PALLD: variants seen among roughly 807,000 people sequenced by gnomAD.
The protein encoded by PALLD is palladin.
PALLD carries 61 observed loss-of-function variants against 123.5 expected under a neutral mutation model. That is an observed-to-expected ratio of 0.49 (90% CI 0.40 to 0.61). The LOEUF (loss-of-function observed/expected upper bound fraction) is 0.61, where lower values mean the gene tolerates loss of function less well. Ranked by LOEUF, PALLD falls within the 20% of genes least tolerant of loss-of-function variation. The probability of loss-of-function intolerance (pLI) is 0.00; values close to 1 mark genes in which losing one functional copy is unlikely to be tolerated. For missense variants in PALLD, 1,273 were observed against 1,377.0 expected (o/e 0.92, Z 1.20); for synonymous variants, 465 against 496.4 (o/e 0.94, Z 0.84).
intron 10 of PALLD, among the ~76,000 whole-genome samples, chr4:168,765,281 G>T (rs1242361522): frequency 6.6e-6 from 1 of 152,208 alleles, no homozygotes; most frequent in Non-Finnish European, 1.5e-5. Flanking sequence ...AGGAAAAACA[G>T]AGTAGAAGAA....
chr4:168,854,604 G>C (rs578129567), intron 10 of PALLD, among the ~76,000 whole-genome samples: 1 of 152,178 alleles, frequency 6.6e-6, no homozygotes, highest in Non-Finnish European at 1.5e-5. Context: ...CGCTCCTGCT[G>C]TCCAGCAGGT....
intron 10 of PALLD, among the ~76,000 whole-genome samples, chr4:168,723,889 G>A (rs1786273691): frequency 6.9e-6 from 1 of 145,838 alleles, no homozygotes; most frequent in African/African-American, 2.6e-5. Context: ...CTTTGAGTTG[G>A]GCTTTTTTTT....
intron 10 of PALLD, chr4:168,756,523 A>AT (rs1460101427): frequency 1.3e-5 from 2 of 155,486 alleles, no homozygotes; most frequent in African/African-American, 4.8e-5. Flanking sequence ...GAATGATGGG[A>AT]TTTGCTGATG....
At chr4:168,875,475 C>T (rs1383767644) in intron 10 of PALLD, among the ~76,000 whole-genome samples, 2 of 152,148 alleles carry the variant, frequency 1.3e-5, no homozygotes, top group Non-Finnish European at 2.9e-5. Context: ...AAGTCAGACA[C>T]TTTAAAATTC....
rs1413784346 is a variant in PALLD at position 168,925,276 on chromosome 4, C to T, written c.*30C>T. ...GAACCACACCAGGAGAACAAATACCCAAGTATCATTCAGGAACTTTGAATT... is the reference window on the plus strand; with the variant it reads ...GAACCACACCAGGAGAACAAATACCTAAGTATCATTCAGGAACTTTGAATT... On this transcript the variant is annotated splice_region_variant and 3_prime_UTR_variant, in exon 21 of 22. Transcript: ENST00000505667. 2 of 1,601,230 alleles carry T rather than the reference C, an allele frequency of 1.2e-6. No individual in the cohort carries two copies. The highest frequency in any genetic ancestry group is 1.7e-6 in the Non-Finnish European group (2 of 1,168,418).
chr4:168,920,683 A>T (rs1162869473), intron 17 of PALLD, among the ~76,000 whole-genome samples: 1 of 152,128 alleles, frequency 6.6e-6, no homozygotes, highest in East Asian at 1.9e-4. Flanking sequence ...TCAAGATTTT[A>T]TGATGTTTCC....
intron 10 of PALLD, among the ~76,000 whole-genome samples, chr4:168,836,585 TTG>T (rs1745220510): frequency 6.6e-6 from 1 of 152,168 alleles, no homozygotes; most frequent in South Asian, 2.1e-4. Context: ...TCTCACAAAA[TTG>T]TGTGAGGTAG....
At chr4:168,627,515 T>TATAG (rs1775416421) in intron 2 of PALLD, among the ~76,000 whole-genome samples, 1 of 151,916 alleles carries the variant, frequency 6.6e-6, no homozygotes. Context: ...GTCTCCAACA[T>TATAG]ATAGATAGAT....
intron 3 of PALLD, among the ~76,000 whole-genome samples, chr4:168,678,690 C>T (rs2723713): frequency 0.022 from 3,342 of 152,154 alleles, 56 homozygotes; most frequent in Non-Finnish European, 0.032. Context: ...CGTGCCCCTC[C>T]CCTGCTTGAT....
intron 2 of PALLD, among the ~76,000 whole-genome samples, chr4:168,523,090 C>A (rs1763709849): frequency 6.6e-6 from 1 of 152,024 alleles, no homozygotes; most frequent in African/African-American, 2.4e-5. Flanking sequence ...GGAATAAGAA[C>A]TTTTTCCTAA....
At chr4:168,686,733 A>G (rs1782097907) in intron 6 of PALLD, 1 of 152,188 alleles carries the variant, frequency 6.6e-6, no homozygotes, top group South Asian at 2.1e-4. Flanking sequence ...CTGGTTTTTA[A>G]TTGTTTGTTT....
Position 168,921,585 on chromosome 4 carries a change from G to A in PALLD, c.2902G>A (p.Val968Ile), listed in dbSNP as rs551420048. The A allele has an allele frequency of 3.2e-5, 51 of 1,609,324 alleles. No individual in the cohort carries two copies. The highest frequency in any genetic ancestry group is 3.0e-4 in the South Asian group (27 of 90,558). Reference sequence around the variant, plus strand: ...AAGCTGGCAACTAGATGGAAAGCCCGTACGCCCTGACAGTGCTCACAAGAT... The same window carrying A: ...AAGCTGGCAACTAGATGGAAAGCCCATACGCCCTGACAGTGCTCACAAGAT... ...DLSWQLDGKP[V>I]RPDSAHKMLV... Residue 968 changes from valine to isoleucine, a missense_variant, in exon 18 of 22, where the codon GTA becomes ATA. By Grantham distance (29) the Val-to-Ile change is conservative (BLOSUM62 3). This residue lies in a region of PALLD where 329 missense variants were observed against 422.5 expected (regional missense o/e 0.78). Transcript: ENST00000505667.
intron 10 of PALLD, among the ~76,000 whole-genome samples, chr4:168,788,257 G>A (rs1273683726): frequency 2.0e-5 from 3 of 151,950 alleles, no homozygotes; most frequent in Non-Finnish European, 4.4e-5. Flanking sequence ...TTAGAAAAAT[G>A]TGTAGAAAAG....
In PALLD at chr4:168,729,432, A is replaced by G. The variant is rs139868265; in HGVS notation, c.1964+17509A>G. 1.4e-3 allele frequency among the ~76,000 whole-genome samples: 215 copies of G among 152,094 alleles called. 1 individual carries two copies. In the East Asian group the frequency reaches 0.019, roughly 14 times the overall value. On this transcript the variant is annotated intron_variant, in intron 10 of 21. Coordinates refer to ENST00000505667, the MANE Select transcript of PALLD (RefSeq NM_001166108.2). ...TCCTGCCTTGGCATCCCAAGGTGCT[A>G]GGATTACAGATGTAAGCCACTGTGC...
intron 2 of PALLD, among the ~76,000 whole-genome samples, chr4:168,519,441 C>A (rs1418051597): frequency 2.0e-5 from 3 of 152,098 alleles, no homozygotes; most frequent in Non-Finnish European, 4.4e-5. Flanking sequence ...CACTGTGAAT[C>A]GGATAGGTTG....
chr4:168,524,714 A>G (rs1479564640), intron 2 of PALLD, among the ~76,000 whole-genome samples: 1 of 152,182 alleles, frequency 6.6e-6, no homozygotes, highest in African/African-American at 2.4e-5. Context: ...GCAGTTCTCT[A>G]AAAGCAAACC....
At chr4:168,740,083 G>A (rs80199523) in intron 10 of PALLD, among the ~76,000 whole-genome samples, 3,653 of 152,022 alleles carry the variant, frequency 0.024, 127 homozygotes, top group African/African-American at 0.074. Context: ...AATGACACAT[G>A]CCATTTTTAA....
chr4:168,665,971 C>T (rs1368701651), intron 2 of PALLD, among the ~76,000 whole-genome samples: 1 of 106,534 alleles, frequency 9.4e-6, no homozygotes, highest in Non-Finnish European at 1.9e-5. Flanking sequence ...TGTTCCCCGC[C>T]CCCCACCAAA....
rs984762909 is a variant in PALLD at position 168,518,033 on chromosome 4, A to C, written c.908+5621A>C. 2.4e-5 allele frequency among the ~76,000 whole-genome samples: 3 copies of C among 125,626 alleles called. No individual in the cohort carries two copies. In the East Asian group the frequency reaches 7.5e-4, roughly 31 times the overall value. 82.4% of individuals were successfully genotyped at this position (125,626 alleles called of 152,430 possible). On this transcript the variant is annotated intron_variant, in intron 2 of 21. Coordinates refer to ENST00000505667, the MANE Select transcript of PALLD (RefSeq NM_001166108.2). ...ATCAAATTTGTCGAAAACTAAACTG[A>C]TTCTCCTCTCCTCCAAAAACCTTCT...
Sources: gnomAD v4.1 joint callset for allele counts (sites outside exome capture counted in the v4.1 genomes callset) on GRCh38, gnomAD v4.1.1 for gene constraint, gnomAD v4.1.1 regional missense constraint, MANE v1.5 for transcripts, NCBI Gene and HGNC (gene_info 2026-07-23, HGNC 2026-07-21) for gene names.